Variants in LAMA3 observed in about 807,000 individuals in gnomAD.
LAMA3 encodes the protein laminin subunit alpha-3.
A neutral mutation model predicts 402.0 loss-of-function variants in LAMA3; 281 were observed. The ratio of observed to expected loss-of-function variants is 0.70; its 90% CI spans 0.63 to 0.77. The LOEUF is 0.77. Ranked by LOEUF, LAMA3 falls within the 30% of genes least tolerant of loss-of-function variation. The probability of loss-of-function intolerance (pLI) is 0.00; values close to 1 mark genes in which losing one functional copy is unlikely to be tolerated. For missense variants in LAMA3, 3,840 were observed against 4,215.5 expected (o/e 0.91, Z 2.47); for synonymous variants, 1,431 against 1,558.4 (o/e 0.92, Z 1.93).
chr18:23,748,044 A>T lies in LAMA3; in HGVS notation c.549A>T (p.Pro183=). 3 of 1,602,384 alleles carry T rather than the reference A, an allele frequency of 1.9e-6. No homozygotes were observed. Among genetic ancestry groups the T allele is most frequent in the Non-Finnish European group, 2.6e-6 (3 of 1,169,250 alleles). ...RSVDFGSTYS[P]WQYFAHSKVD... ...TAGACTTTGGAAGCACCTACTCACCATGGCAATATTTTGCTCGTAAGTAAT... is the reference window on the plus strand; with the variant it reads ...TAGACTTTGGAAGCACCTACTCACCTTGGCAATATTTTGCTCGTAAGTAAT... Residue 183 remains proline, a synonymous_variant, in exon 3 of 75, where the codon CCA becomes CCT. Coordinates refer to ENST00000313654, the MANE Select transcript of LAMA3 (RefSeq NM_198129.4).
rs1276650976 is a variant in LAMA3 at position 23,862,641 on chromosome 18, C to G, written c.4584+834C>G. 2.0e-5 allele frequency among the ~76,000 whole-genome samples: 3 copies of G among 152,342 alleles called. No individual in the cohort carries two copies. In the East Asian group the frequency reaches 5.8e-4, roughly 29 times the overall value. On this transcript the variant is annotated intron_variant, in intron 35 of 74. Transcript: ENST00000313654. The stretch of plus-strand genomic sequence containing the variant: ...CACTTCTCTTTCACTTAATACTCCT[C>G]TTTACCGCTATATGACGGGCCCATG...
At chr18:23,855,061 G>A (rs2064040715) in intron 32 of LAMA3, among the ~76,000 whole-genome samples, 2 of 152,138 alleles carry the variant, frequency 1.3e-5, no homozygotes, top group African/African-American at 4.8e-5. Flanking sequence ...TCCTGTCTGC[G>A]TGACCTCACT....
At chr18:23,764,429 A>G (rs2062034632) in intron 8 of LAMA3, among the ~76,000 whole-genome samples, 1 of 152,208 alleles carries the variant, frequency 6.6e-6, no homozygotes, top group South Asian at 2.1e-4. Flanking sequence ...CTGGACTAGA[A>G]TGTGTAGGTA....
At chr18:23,852,620 GAGTGAC>G (rs2063972013) in intron 32 of LAMA3, among the ~76,000 whole-genome samples, 1 of 152,200 alleles carries the variant, frequency 6.6e-6, no homozygotes, top group South Asian at 2.1e-4. Context: ...TTCTAACCAA[GAGTGAC>G]AGTGCAGCAT....
rs755761655 is a variant in LAMA3, at chr18:23,914,709, T to C, written c.7493T>C (p.Phe2498Ser). The C allele has an allele frequency of 1.9e-6, 3 of 1,613,248 alleles. No individual in the cohort carries two copies. The highest frequency in any genetic ancestry group is 1.7e-6 in the Non-Finnish European group (2 of 1,179,398). The change falls in exon 58 of 75, where the codon TTT (phenylalanine) becomes TCT (serine). Residue 2498 changes from phenylalanine (F) to serine (S), a missense_variant. This residue lies in a region of LAMA3 where 891 missense variants were observed against 857.5 expected (regional missense o/e 1.04). Coordinates refer to ENST00000313654, the MANE Select transcript of LAMA3 (RefSeq NM_198129.4). Reference protein sequence around the residue: ...DRVKFQRIYQFARLNYTKGAT... With the variant: ...DRVKFQRIYQSARLNYTKGAT... Reference sequence around the variant, plus strand: ...TTCATTTTAAACAGAATTTATCAGTTTGCAAGGCTTAATTACACCAAAGGA... The same window carrying C: ...TTCATTTTAAACAGAATTTATCAGTCTGCAAGGCTTAATTACACCAAAGGA...
At chr18:23,706,093 AATATT>A (rs1269478281) in intron 1 of LAMA3, among the ~76,000 whole-genome samples, 6 of 152,042 alleles carry the variant, frequency 3.9e-5, no homozygotes, top group Admixed American at 1.3e-4. Context: ...TTTTTCACTT[AATATT>A]ATATTGCTGA....
chr18:23,922,934 G>A (rs952155742), intron 62 of LAMA3, among the ~76,000 whole-genome samples: 5 of 152,180 alleles, frequency 3.3e-5, no homozygotes, highest in Non-Finnish European at 7.3e-5. Flanking sequence ...AAGAGAGACA[G>A]TCACTACAGG....
intron 1 of LAMA3, among the ~76,000 whole-genome samples, chr18:23,690,792 T>G (rs1375113509): frequency 1.3e-5 from 2 of 151,466 alleles, no homozygotes; most frequent in African/African-American, 4.8e-5. Context: ...TTTTTTTTTT[T>G]TTGAGACAGA....
chr18:23,784,270 C>A, intron 12 of LAMA3, 113 bp downstream of exon 12: 5 of 1,283,174 alleles, frequency 3.9e-6, no homozygotes, highest in Non-Finnish European at 4.5e-6. Flanking sequence ...AATAAATGGG[C>A]CCCTGGCTTA....
rs530134084 is a variant in LAMA3, at chr18:23,883,323, G to A, written c.5222+1278G>A. ...AGGAATCCACCACTGTGTTTTCAAG[G>A]TAACCCCCTCTCTCCTTAAGTGTGG... On this transcript the variant is annotated intron_variant, in intron 40 of 74. Transcript: ENST00000313654. 2.0e-5 allele frequency among the ~76,000 whole-genome samples: 3 copies of A among 152,252 alleles called. No homozygotes were observed. The East Asian group carries it at 5.8e-4, about 29-fold the overall frequency.
At chr18:23,854,261 C>T (rs2064012681) in intron 32 of LAMA3, among the ~76,000 whole-genome samples, 1 of 152,254 alleles carries the variant, frequency 6.6e-6, no homozygotes, top group South Asian at 2.1e-4. Context: ...CATGATTTTG[C>T]TTCCCTTCCT....
chr18:23,725,987 C>T (rs889750421), intron 2 of LAMA3, among the ~76,000 whole-genome samples: 2 of 152,186 alleles, frequency 1.3e-5, no homozygotes, highest in East Asian at 3.9e-4. Flanking sequence ...TTTATCACTC[C>T]TCAGCATCAC....
intron 12 of LAMA3, among the ~76,000 whole-genome samples, chr18:23,801,836 C>T (rs1039229655): frequency 6.6e-6 from 1 of 151,982 alleles, no homozygotes; most frequent in Non-Finnish European, 1.5e-5. Flanking sequence ...TTTTGTATGT[C>T]TTCTTTTTAG....
chr18:23,905,157 G>A (rs556900755), intron 51 of LAMA3, among the ~76,000 whole-genome samples: 2 of 152,120 alleles, frequency 1.3e-5, no homozygotes, highest in South Asian at 2.1e-4. Flanking sequence ...AGAGTTCAGG[G>A]GGACAGGCCT....
intron 55 of LAMA3, among the ~76,000 whole-genome samples, chr18:23,909,575 T>C (rs1295264898): frequency 6.6e-6 from 1 of 152,224 alleles, no homozygotes; most frequent in African/African-American, 2.4e-5. Flanking sequence ...GGCCCCAGTT[T>C]GTAAACTGTA....
At chr18:23,753,482 A>G (rs1333702717) in intron 5 of LAMA3, among the ~76,000 whole-genome samples, 1 of 152,198 alleles carries the variant, frequency 6.6e-6, no homozygotes, top group Non-Finnish European at 1.5e-5. Context: ...TTCTAAGGCA[A>G]TTTCCCTTCA....
intron 12 of LAMA3, among the ~76,000 whole-genome samples, chr18:23,787,115 C>G (rs1012305419): frequency 6.6e-6 from 1 of 152,122 alleles, no homozygotes; most frequent in African/African-American, 2.4e-5. Context: ...AACCCCGTCT[C>G]TACTAAAAAT....
At position 23,756,473 on chromosome 18, in the gene LAMA3, C is replaced by A. The variant is rs866387300; in HGVS notation, c.948-1923C>A. ...GCCCCCACCCCCCCGCCAAAAAAAACCCAAAAAAACCCCACAACCCAAACC... is the reference window on the plus strand; with the variant it reads ...GCCCCCACCCCCCCGCCAAAAAAAAACCAAAAAAACCCCACAACCCAAACC... On this transcript the variant is annotated intron_variant, in intron 6 of 74. Transcript: ENST00000313654. Among the ~76,000 whole-genome samples the A allele has an allele frequency of 4.4e-4, 32 of 72,496 alleles. No homozygotes were observed. The East Asian group carries it at 5.3e-3, about 12-fold the overall frequency. The allele number at this position is 72,496 out of a possible 152,430, so 47.6% of individuals were successfully genotyped here. A position where few individuals can be genotyped will look rare whatever the true frequency, so the allele number is the denominator to read the frequency against.
rs1035473404 is a variant in LAMA3 at position 23,943,771 on chromosome 18, G to A, written c.9027-17G>A. ...CTGAACACCTCTATTTCCCTTCATC[G>A]CCGATGTTCCCAACAGGTCACAGTT... On this transcript the variant is annotated splice_polypyrimidine_tract_variant and intron_variant, in intron 68 of 74. Coordinates refer to ENST00000313654, the MANE Select transcript of LAMA3 (RefSeq NM_198129.4). 4.3e-6 allele frequency: 7 copies of A among 1,613,344 alleles called. No individual in the cohort carries two copies. Among genetic ancestry groups the A allele is most frequent in the Admixed American group, 1.7e-5 (1 of 60,002 alleles).
Sources: gnomAD v4.1 joint callset for allele counts (sites outside exome capture counted in the v4.1 genomes callset) on GRCh38, gnomAD v4.1.1 for gene constraint, gnomAD v4.1.1 regional missense constraint, MANE v1.5 for transcripts, NCBI Gene and HGNC (gene_info 2026-07-23, HGNC 2026-07-21) for gene names.